Variants in GSPT1 observed in about 807,000 individuals in gnomAD.
GSPT1 encodes G1 to S phase transition 1, also known as eukaryotic peptide chain release factor GTP-binding subunit ERF3A.
GSPT1 carries 20 observed loss-of-function variants against 72.5 expected under a neutral mutation model. That is an observed-to-expected ratio of 0.28 (90% CI 0.19 to 0.40). GSPT1 has a LOEUF of 0.40. Ranked by LOEUF, GSPT1 falls within the 10% of genes least tolerant of loss-of-function variation. GSPT1 has a pLI of 1.00. For synonymous variants in GSPT1, 334 were observed against 293.5 expected (o/e 1.14, Z -1.41); for missense variants, 580 against 811.9 (o/e 0.71, Z 3.47).
chr16:11,883,484 C>T (rs1204472732), intron 10 of GSPT1, among the ~76,000 whole-genome samples: 5 of 48,442 alleles, frequency 1.0e-4, no homozygotes, highest in South Asian at 8.1e-4. Flanking sequence ...TTGCCAGGCA[C>T]GGTGGAATGC....
At chr16:11,887,024 T>G (rs530234032) in intron 7 of GSPT1, 93 bp from the exon 8 acceptor site, 119 of 903,166 alleles carry the variant, frequency 1.3e-4, no homozygotes, top group Admixed American at 3.2e-4. Flanking sequence ...ATCACGAGTT[T>G]TTTTTTTTTT....
intron 6 of GSPT1, among the ~76,000 whole-genome samples, chr16:11,888,395 G>C (rs898283148): frequency 1.3e-5 from 2 of 151,798 alleles, no homozygotes; most frequent in Non-Finnish European, 2.9e-5. Context: ...CTGGGAGGTA[G>C]AGGTTGCAGT....
chr16:11,873,054 G>T lies in GSPT1; in HGVS notation c.*65C>A. On this transcript the variant is annotated 3_prime_UTR_variant, in exon 15 of 15. Transcript: ENST00000434724. Reference sequence around the variant, plus strand: ...CAATGGGCAGAAAATAAGAGAAGGCGGTGTGAAGTAGGCTTCTGCAGTCAA... The same window carrying T: ...CAATGGGCAGAAAATAAGAGAAGGCTGTGTGAAGTAGGCTTCTGCAGTCAA... 1.2e-6 allele frequency: 1 copy of T among 830,332 alleles called. No individual in the cohort carries two copies. The highest frequency in any genetic ancestry group is 2.0e-6 in the Non-Finnish European group (1 of 500,148). The allele number at this position is 830,332 out of a possible 1,614,324, so 51.4% of individuals were successfully genotyped here.
At position 11,915,585 on chromosome 16, in the gene GSPT1, C is replaced by T. The variant is rs1172324341; in HGVS notation, c.136G>A (p.Gly46Ser). The part of the protein sequence containing the change: ...MEAPGPGPCG[G>S]GGSLAAAAEA... ...GCCGCCGCCGCCAGGGAGCCGCCGC[C>T]GCCGCAAGGGCCCGGCCCGGGGGCT... Residue 46 changes from glycine (G) to serine (S), a missense_variant, in exon 1 of 15, where the codon GGC (glycine) becomes AGC (serine). This residue lies in a region of GSPT1 where 327 missense variants were observed against 298.8 expected (regional missense o/e 1.09). Transcript: ENST00000434724. 1.2e-5 allele frequency: 18 copies of T among 1,487,264 alleles called. No individual in the cohort carries two copies. The highest frequency in any genetic ancestry group is 1.5e-5 in the Non-Finnish European group (17 of 1,119,432). The allele number at this position is 1,487,264 out of a possible 1,614,324, so 92.1% of individuals were successfully genotyped here.
At chr16:11,914,922 G>A (rs2054610696) in intron 1 of GSPT1, 1 of 910,752 alleles carries the variant, frequency 1.1e-6, no homozygotes, top group South Asian at 1.4e-5. Flanking sequence ...TCTCTCGGCT[G>A]GGCCTAAGGT....
chr16:11,881,990 G>C (rs995383624), intron 11 of GSPT1: 5 of 152,156 alleles, frequency 3.3e-5, no homozygotes, highest in African/African-American at 1.2e-4. Flanking sequence ...AGACAAAACT[G>C]AGTAAGTAAG....
chr16:11,899,324 T>A (rs964843639), intron 1 of GSPT1, among the ~76,000 whole-genome samples: 1 of 151,286 alleles, frequency 6.6e-6, no homozygotes, highest in Non-Finnish European at 1.5e-5. Context: ...ACAACCAAAT[T>A]GTTTTCTTTT....
rs1269716907 is a variant in GSPT1, at chr16:11,872,732, C to T, written c.*387G>A. ...TAGTTGCCTTTGTAACATGTGCACA[C>T]ACACTCGCACACTCAGAATGATCTG... On this transcript the variant is annotated 3_prime_UTR_variant, in exon 15 of 15. Coordinates refer to ENST00000434724, the MANE Select transcript of GSPT1 (RefSeq NM_002094.4). 2 of 168,646 alleles carry T rather than the reference C, an allele frequency of 1.2e-5. No homozygotes were observed. The highest frequency in any genetic ancestry group is 3.2e-4 in the East Asian group (2 of 6,290). 10.4% of individuals were successfully genotyped at this position (168,646 alleles called of 1,614,324 possible).
chr16:11,897,346 G>A (rs969271073), intron 3 of GSPT1, among the ~76,000 whole-genome samples: 3 of 152,080 alleles, frequency 2.0e-5, no homozygotes, highest in African/African-American at 7.2e-5. Flanking sequence ...CAGCACTTTC[G>A]GAGGCCGAGG....
At chr16:11,887,190 C>A (rs188370356) in intron 7 of GSPT1, among the ~76,000 whole-genome samples, 28 of 152,026 alleles carry the variant, frequency 1.8e-4, no homozygotes, top group African/African-American at 2.4e-5. Flanking sequence ...GCTATTGTAA[C>A]TACAAAGGAA....
chr16:11,895,473 A>G (rs1295256305), intron 4 of GSPT1: 1 of 152,586 alleles, frequency 6.6e-6, no homozygotes, highest in Non-Finnish European at 1.5e-5. Flanking sequence ...TTTACTGATA[A>G]AGAATTTTTT....
chr16:11,909,523 A>G (rs2054531008), intron 1 of GSPT1, among the ~76,000 whole-genome samples: 1 of 152,164 alleles, frequency 6.6e-6, no homozygotes, highest in African/African-American at 2.4e-5. Context: ...CAATAGACAC[A>G]CTAGCCAGAC....
intron 5 of GSPT1, among the ~76,000 whole-genome samples, chr16:11,892,851 A>AAAAAAAAAAAAG (rs1567443552): frequency 6.9e-6 from 1 of 144,112 alleles, no homozygotes; most frequent in Admixed American, 7.0e-5. Flanking sequence ...AAAAAAAAAA[A>AAAAAAAAAAAAG]AAAAGAAAAG....
intron 6 of GSPT1, 106 bp from the exon 7 acceptor site, chr16:11,887,856 C>G (rs1252572664): frequency 1.3e-6 from 1 of 777,634 alleles, no homozygotes; most frequent in East Asian, 2.5e-5. Flanking sequence ...ACCTAAATCA[C>G]GAACAAGATT....
rs80050843 is a variant in GSPT1 at position 11,911,448 on chromosome 16, C to T, written c.352+3921G>A. 4.6e-5 allele frequency among the ~76,000 whole-genome samples: 7 copies of T among 152,190 alleles called. No homozygotes were observed. The East Asian group carries it at 1.2e-3, about 25-fold the overall frequency. On this transcript the variant is annotated intron_variant, in intron 1 of 14. Transcript: ENST00000434724. ...GTCACCCAGGCTGAGTGCAATGGTG[C>T]CATCATAGCTCACTGCAGCCTCCAG...
intron 4 of GSPT1, 102 bp from the exon 5 acceptor site, chr16:11,895,089 T>C (rs1329121679): frequency 2.7e-6 from 2 of 741,122 alleles, no homozygotes; most frequent in African/African-American, 1.8e-5. Context: ...AAATCTTCCA[T>C]ATGAATTTGG....
chr16:11,886,633 A>T, intron 8 of GSPT1, 22 bp from the exon 9 acceptor site: 1 of 1,590,286 alleles, frequency 6.3e-7, no homozygotes, highest in Non-Finnish European at 8.6e-7. Flanking sequence ...ATGTAACCAA[A>T]ATAACTCAAT....
intron 1 of GSPT1, among the ~76,000 whole-genome samples, chr16:11,904,351 C>T (rs764223339): frequency 1.7e-4 from 26 of 152,174 alleles, no homozygotes; most frequent in Non-Finnish European, 1.9e-4. Context: ...TACAGGCGCG[C>T]GCCACCACGC....
chr16:11,875,944 A>C lies in GSPT1; in HGVS notation c.1693-15T>G, dbSNP rs767744351. On this transcript the variant is annotated splice_polypyrimidine_tract_variant and intron_variant, in intron 13 of 14. Transcript: ENST00000434724. ...CAGATTAAGGCCTAACCAAGAAAAGAGTATGAGAAAATCAGAATAATGCCA... is the reference window on the plus strand; with the variant it reads ...CAGATTAAGGCCTAACCAAGAAAAGCGTATGAGAAAATCAGAATAATGCCA... 6.9e-6 allele frequency: 11 copies of C among 1,604,652 alleles called. No individual in the cohort carries two copies. The highest frequency in any genetic ancestry group is 1.3e-5 in the African/African-American group (1 of 74,430).
Sources: gnomAD v4.1 joint callset for allele counts (sites outside exome capture counted in the v4.1 genomes callset) on GRCh38, gnomAD v4.1.1 for gene constraint, gnomAD v4.1.1 regional missense constraint, MANE v1.5 for transcripts, NCBI Gene and HGNC (gene_info 2026-07-23, HGNC 2026-07-21) for gene names.